Variants in MECOM observed in about 807,000 individuals in gnomAD.
MECOM encodes MDS1 and EVI1 complex locus.
A neutral mutation model predicts 116.3 loss-of-function variants in MECOM; 13 were observed. That is an observed-to-expected ratio of 0.11 (90% CI 0.07 to 0.18). The LOEUF (loss-of-function observed/expected upper bound fraction) is 0.18. Ranked by LOEUF, MECOM falls within the 10% of genes least tolerant of loss-of-function variation. The probability of loss-of-function intolerance (pLI) is 1.00; values close to 1 mark genes in which losing one functional copy is unlikely to be tolerated. For missense variants in MECOM, 1,299 were observed against 1,509.0 expected (o/e 0.86, Z 2.31); for synonymous variants, 528 against 535.2 (o/e 0.99, Z 0.19).
chr3:169,191,740 GAGAAAGAA>G (rs71166250), intron 2 of MECOM, among the ~76,000 whole-genome samples: 59 of 64,312 alleles, frequency 9.2e-4, no homozygotes, highest in Middle Eastern at 8.1e-3. Flanking sequence ...AAGAAAGAAA[GAGAAAGAA>G]AGAAAGAAAG....
intron 2 of MECOM, among the ~76,000 whole-genome samples, chr3:169,248,514 G>GTCAAA (rs1755866380): frequency 1.3e-5 from 2 of 152,162 alleles, no homozygotes; most frequent in Non-Finnish European, 2.9e-5. Flanking sequence ...ATACCCTTTT[G>GTCAAA]TTGTCTGTCA....
intron 2 of MECOM, among the ~76,000 whole-genome samples, chr3:169,207,883 C>A (rs1023340929): frequency 3.9e-5 from 6 of 152,102 alleles, no homozygotes; most frequent in Non-Finnish European, 7.4e-5. Context: ...CTTGTTCCCC[C>A]ACCACCCACT....
At chr3:169,539,923 G>C (rs75041760) in intron 1 of MECOM, among the ~76,000 whole-genome samples, 4,716 of 152,256 alleles carry the variant, frequency 0.031, 86 homozygotes, top group Non-Finnish European at 0.047. Flanking sequence ...AGAGCTACAA[G>C]AGTGTAAAAA....
intron 2 of MECOM, among the ~76,000 whole-genome samples, chr3:169,169,522 T>C (rs1160923057): frequency 6.6e-6 from 1 of 152,202 alleles, no homozygotes; most frequent in African/African-American, 2.4e-5. Context: ...AAATGTTTGC[T>C]CTGATCTCAG....
chr3:169,438,164 G>T (rs971182575), intron 1 of MECOM, among the ~76,000 whole-genome samples: 9 of 152,140 alleles, frequency 5.9e-5, no homozygotes, highest in African/African-American at 1.9e-4. Context: ...GAGCCCACGC[G>T]CTTTATCCCT....
chr3:169,114,045 A>T (rs930871865), intron 8 of MECOM, among the ~76,000 whole-genome samples: 13 of 152,134 alleles, frequency 8.5e-5, no homozygotes, highest in African/African-American at 2.9e-4. Flanking sequence ...TATGTGGAAG[A>T]ATCAGAAGCC....
chr3:169,617,560 G>A (rs1016529733), intron 1 of MECOM, among the ~76,000 whole-genome samples: 1 of 152,198 alleles, frequency 6.6e-6, no homozygotes, highest in African/African-American at 2.4e-5. Context: ...TCCAAATGAA[G>A]TTAAGAAACT....
At chr3:169,229,805 A>G (rs1560020530) in intron 2 of MECOM, among the ~76,000 whole-genome samples, 1 of 152,110 alleles carries the variant, frequency 6.6e-6, no homozygotes, top group African/African-American at 2.4e-5. Context: ...AGAGACTATG[A>G]TTTCCTAATC....
At chr3:169,142,795 T>C (rs1446847739) in intron 3 of MECOM, among the ~76,000 whole-genome samples, 1 of 151,916 alleles carries the variant, frequency 6.6e-6, no homozygotes, top group Admixed American at 6.6e-5. Context: ...ATTGGAAACA[T>C]TTAATTTAAA....
chr3:169,339,127 A>G (rs982450397), intron 2 of MECOM, among the ~76,000 whole-genome samples: 1 of 152,342 alleles, frequency 6.6e-6, no homozygotes, highest in Admixed American at 6.5e-5. Flanking sequence ...TGCCTAAAAC[A>G]CAGTACGCAT....
At chr3:169,196,720 C>A (rs1230546055) in intron 2 of MECOM, among the ~76,000 whole-genome samples, 1 of 151,988 alleles carries the variant, frequency 6.6e-6, no homozygotes, top group Non-Finnish European at 1.5e-5. Flanking sequence ...TGGTGTGAAT[C>A]CAAATTAGTT....
rs888498011 is a variant in MECOM at position 169,567,905 on chromosome 3, C to T, written c.37+95431G>A. On this transcript the variant is annotated intron_variant, in intron 1 of 16. Coordinates refer to ENST00000651503, the MANE Select transcript of MECOM (RefSeq NM_004991.4). ...AGACAATTAGAACCTGAGTTAAATT[C>T]AAAAAACAAAAAAGGAGAGGGGCAA... 2.0e-5 allele frequency among the ~76,000 whole-genome samples: 3 copies of T among 151,842 alleles called. No homozygotes were observed. In the East Asian group the frequency reaches 5.8e-4, roughly 29 times the overall value.
chr3:169,147,959 A>C (rs1740430337), intron 2 of MECOM, among the ~76,000 whole-genome samples: 1 of 152,056 alleles, frequency 6.6e-6, no homozygotes, highest in African/African-American at 2.4e-5. Flanking sequence ...AATTCTCAGA[A>C]AACAGCAACC....
chr3:169,356,492 C>T (rs747849899), intron 2 of MECOM, among the ~76,000 whole-genome samples: 7 of 151,786 alleles, frequency 4.6e-5, no homozygotes, highest in Non-Finnish European at 2.9e-5. Flanking sequence ...TGGGGTACCG[C>T]GATAACATCT....
intron 2 of MECOM, among the ~76,000 whole-genome samples, chr3:169,374,528 T>A (rs1730688691): frequency 6.6e-6 from 1 of 152,004 alleles, no homozygotes; most frequent in South Asian, 2.1e-4. Flanking sequence ...TTAGGGAAGC[T>A]ATGTAAATAA....
rs144021799 is a variant in MECOM, at chr3:169,488,344, T to C, written c.38-106820A>G. Reference sequence around the variant, plus strand: ...GAGTTCAAGACCATCCTGGCCAACATGGTAAAACCCTGTCTCTACTAAAAA... The same window carrying C: ...GAGTTCAAGACCATCCTGGCCAACACGGTAAAACCCTGTCTCTACTAAAAA... On this transcript the variant is annotated intron_variant, in intron 1 of 16. Coordinates refer to ENST00000651503, the MANE Select transcript of MECOM (RefSeq NM_004991.4). 7.1e-3 allele frequency among the ~76,000 whole-genome samples: 936 copies of C among 131,322 alleles called. 9 individuals carry two copies. The highest frequency in any genetic ancestry group is 0.026 in the African/African-American group (900 of 34,394). The allele number at this position is 131,322 out of a possible 152,430, so 86.2% of individuals were successfully genotyped here.
chr3:169,358,358 T>C (rs1280849349), intron 2 of MECOM, among the ~76,000 whole-genome samples: 1 of 151,762 alleles, frequency 6.6e-6, no homozygotes, highest in African/African-American at 2.4e-5. Flanking sequence ...GTTTCCATTC[T>C]TCCTGAAAAT....
At chr3:169,342,376 T>C (rs992541984) in intron 2 of MECOM, among the ~76,000 whole-genome samples, 4 of 152,056 alleles carry the variant, frequency 2.6e-5, no homozygotes, top group African/African-American at 7.2e-5. Context: ...TTTACAAGCA[T>C]ATTAATAATA....
chr3:169,562,399 G>A (rs564275910), intron 1 of MECOM, among the ~76,000 whole-genome samples: 13 of 152,164 alleles, frequency 8.5e-5, no homozygotes, highest in Admixed American at 2.6e-4. Flanking sequence ...TTGCTGTGAG[G>A]TGTGGCATGT....
Sources: allele counts gnomAD v4.1 joint callset (sites outside exome capture counted in the v4.1 genomes callset), GRCh38; gene constraint gnomAD v4.1.1; transcripts MANE v1.5; gene names NCBI Gene and HGNC (gene_info 2026-07-23, HGNC 2026-07-21).